The following ASXL1 variants were observed in gnomAD, a reference collection of about 807,000 sequenced individuals.
The protein encoded by ASXL1 is ASXL transcriptional regulator 1, also known as polycomb group protein ASXL1.
ASXL1 carries 65 observed loss-of-function variants against 89.1 expected under a neutral mutation model. The observed-to-expected ratio is 0.73, with a 90% CI of 0.60 to 0.90. The LOEUF (loss-of-function observed/expected upper bound fraction) is 0.90. Ranked by LOEUF, ASXL1 falls within the 40% of genes least tolerant of loss-of-function variation. The probability of loss-of-function intolerance (pLI) is 0.00; values close to 1 mark genes in which losing one functional copy is unlikely to be tolerated. For synonymous variants in ASXL1, 739 were observed against 746.9 expected (o/e 0.99, Z 0.17); for missense variants, 1,786 against 1,942.9 (o/e 0.92, Z 1.52).
intron 4 of ASXL1, among the ~76,000 whole-genome samples, chr20:32,376,860 A>G (rs1232654163): frequency 7.3e-6 from 1 of 136,148 alleles, no homozygotes; most frequent in Non-Finnish European, 1.6e-5. Context: ...TATATAATAT[A>G]TAATTATATG....
intron 4 of ASXL1, among the ~76,000 whole-genome samples, chr20:32,425,711 C>T (rs997966481): frequency 3.3e-5 from 5 of 152,002 alleles, no homozygotes; most frequent in African/African-American, 1.2e-4. Context: ...TGTTCCCCCT[C>T]TCTCCCCGCC....
At chr20:32,387,167 A>G (rs558808526) in intron 4 of ASXL1, among the ~76,000 whole-genome samples, 1 of 152,146 alleles carries the variant, frequency 6.6e-6, no homozygotes, top group Admixed American at 6.5e-5. Context: ...TTAACTGGGC[A>G]TGGTTGTGCA....
rs2048058078 is a variant in ASXL1 at position 32,358,876 on chromosome 20, G to C, written c.57+44G>C. Reference sequence around the variant, plus strand: ...GGGGGCTCCGTGGGGCCCGGGGTGGGGGGGGCTCGCCGCGCACCCCCCCAC... The same window carrying C: ...GGGGGCTCCGTGGGGCCCGGGGTGGCGGGGGCTCGCCGCGCACCCCCCCAC... On this transcript the variant is annotated intron_variant, in intron 1 of 12. Coordinates refer to ENST00000375687, the MANE Select transcript of ASXL1 (RefSeq NM_015338.6). The C allele has an allele frequency of 4.8e-6, 7 of 1,459,858 alleles. No individual in the cohort carries two copies. The African/African-American group carries it at 8.9e-5, about 19-fold the overall frequency. 90.4% of individuals were successfully genotyped at this position (1,459,858 alleles called of 1,614,324 possible).
chr20:32,382,058 T>G (rs529456965), intron 4 of ASXL1, among the ~76,000 whole-genome samples: 1 of 149,708 alleles, frequency 6.7e-6, no homozygotes, highest in South Asian at 2.1e-4. Context: ...CGGGTTCAAG[T>G]GATTCTCCTG....
intron 4 of ASXL1, among the ~76,000 whole-genome samples, chr20:32,416,341 G>A (rs1375667673): frequency 2.0e-5 from 3 of 152,196 alleles, no homozygotes; most frequent in Middle Eastern, 3.4e-3. Context: ...AAGCTCAAGC[G>A]TTTGTACAGA....
intron 4 of ASXL1, among the ~76,000 whole-genome samples, chr20:32,382,156 C>CT (rs1944965291): frequency 6.6e-6 from 1 of 151,392 alleles, no homozygotes; most frequent in South Asian, 2.1e-4. Context: ...TTATTTTTTA[C>CT]TAGAGACAGT....
At chr20:32,411,780 C>T (rs1182946251) in intron 4 of ASXL1, among the ~76,000 whole-genome samples, 1 of 152,098 alleles carries the variant, frequency 6.6e-6, no homozygotes. Flanking sequence ...TCAAGTTATC[C>T]ACCCGCTTTG....
intron 4 of ASXL1, among the ~76,000 whole-genome samples, chr20:32,403,089 A>G (rs1444156387): frequency 1.3e-5 from 2 of 152,224 alleles, no homozygotes; most frequent in East Asian, 3.8e-4. Context: ...ATAAGGTTAC[A>G]TCAATGTTCA....
chr20:32,435,576 G>C lies in ASXL1; in HGVS notation c.2864G>C (p.Ser955Thr), dbSNP rs752548239. The change falls in exon 13 of 13, where the codon AGC becomes ACC. Residue 955 changes from serine (S) to threonine (T), a missense_variant. Physicochemically the swap from Ser to Thr is moderately conservative, Grantham distance 58. Around this residue, in one of 3 missense-constraint regions of ASXL1, gnomAD observed 1,418 missense variants for 1,427.8 expected, o/e 0.99. Coordinates refer to ENST00000375687, the MANE Select transcript of ASXL1 (RefSeq NM_015338.6). ...TAEEGLDPLD[S>T]LTSLWTVPSR... The stretch of plus-strand genomic sequence containing the variant: ...GAGGAGGGTCTAGATCCTCTTGACA[G>C]CCTTACTTCACTCTGGACTGTGCCA... 1 of 1,614,106 alleles carries C rather than the reference G, an allele frequency of 6.2e-7. No homozygotes were observed. The highest frequency in any genetic ancestry group is 1.1e-5 in the South Asian group (1 of 91,078).
At chr20:32,422,142 G>A (rs375454467) in intron 4 of ASXL1, among the ~76,000 whole-genome samples, 1 of 150,720 alleles carries the variant, frequency 6.6e-6, no homozygotes, top group African/African-American at 2.4e-5. Context: ...GCCTTCCAAA[G>A]TGCTGGGATT....
At chr20:32,385,338 CAGTT>C (rs2048561155) in intron 4 of ASXL1, among the ~76,000 whole-genome samples, 1 of 152,186 alleles carries the variant, frequency 6.6e-6, no homozygotes. Flanking sequence ...CTAAATGAGT[CAGTT>C]CTCAAATGTT....
chr20:32,373,130 A>T (rs2122862851), intron 4 of ASXL1, among the ~76,000 whole-genome samples: 1 of 150,038 alleles, frequency 6.7e-6, no homozygotes, highest in African/African-American at 2.4e-5. Flanking sequence ...TAATCCCAGC[A>T]CTTTGGGAGG....
At position 32,439,085 on chromosome 20, in the gene ASXL1, T is replaced by C. The variant is rs2012078366; in HGVS notation, c.*1747T>C. 1 of 233,306 alleles carries C rather than the reference T, an allele frequency of 4.3e-6. No individual in the cohort carries two copies. Among genetic ancestry groups the C allele is most frequent in the Non-Finnish European group, 8.5e-6 (1 of 117,972 alleles). The allele number at this position is 233,306 out of a possible 1,614,324, so 14.5% of individuals were successfully genotyped here. On this transcript the variant is annotated 3_prime_UTR_variant, in exon 13 of 13. Coordinates refer to ENST00000375687, the MANE Select transcript of ASXL1 (RefSeq NM_015338.6). ...CATGAGTGACAAGTTGGGAATGATG[T>C]GGTGATTTAGAATGCAGTATTGGCC...
At chr20:32,408,961 T>C (rs2049001177) in intron 4 of ASXL1, among the ~76,000 whole-genome samples, 1 of 152,110 alleles carries the variant, frequency 6.6e-6, no homozygotes, top group South Asian at 2.1e-4. Flanking sequence ...ATTTTTATTT[T>C]TTTAATTTTT....
intron 4 of ASXL1, among the ~76,000 whole-genome samples, chr20:32,392,199 C>G (rs914808215): frequency 6.6e-6 from 1 of 151,610 alleles, no homozygotes; most frequent in Non-Finnish European, 1.5e-5. Context: ...ACTGAAGCCT[C>G]TAACTTCTGG....
rs1351336989 is a variant in ASXL1 at position 32,433,526 on chromosome 20, C to T, written c.1328C>T (p.Ala443Val). ...AGVAKDAKSVASDVPLYKDGE... is the reference protein window; with the variant it reads ...AGVAKDAKSVVSDVPLYKDGE... ...GTTGCTAAGGATGCAAAATCTGTGGCCTCAGATGTTCCCCTCTACAAGGAT... is the reference window on the plus strand; with the variant it reads ...GTTGCTAAGGATGCAAAATCTGTGGTCTCAGATGTTCCCCTCTACAAGGAT... Residue 443 changes from alanine to valine, a missense_variant, in exon 12 of 13, where the codon GCC becomes GTC. Transcript: ENST00000375687. 1.9e-6 allele frequency: 3 copies of T among 1,614,118 alleles called. No individual in the cohort carries two copies. The highest frequency in any genetic ancestry group is 2.2e-5 in the East Asian group (1 of 44,886).
intron 4 of ASXL1, among the ~76,000 whole-genome samples, chr20:32,417,710 G>A (rs947003043): frequency 9.9e-5 from 15 of 152,024 alleles, no homozygotes; most frequent in African/African-American, 3.6e-4. Flanking sequence ...ACTTTAATAG[G>A]TATGTGTAGG....
In ASXL1 at chr20:32,437,020, C is replaced by G. The variant is rs748596785; in HGVS notation, c.4308C>G (p.Ile1436Met). Residue 1436 changes from isoleucine to methionine, a missense_variant, in exon 13 of 13, where the codon ATC (isoleucine) becomes ATG (methionine). Around this residue, in one of 3 missense-constraint regions of ASXL1, gnomAD observed 1,418 missense variants for 1,427.8 expected, o/e 0.99. Transcript: ENST00000375687. ...EPSSLPSQLS[I>M]KQAFYGKLSK... is the part of the protein sequence containing the mutation. ...CTTCTCTCCCCTCCCAACTCAGCAT[C>G]AAGCAGGCATTTTATGGGAAGCTTT... 10 of 1,614,006 alleles carry G rather than the reference C, an allele frequency of 6.2e-6. No homozygotes were observed. Among genetic ancestry groups the G allele is most frequent in the Non-Finnish European group, 7.6e-6 (9 of 1,180,036 alleles).
At chr20:32,426,541 CTTTTTTTTCTTTCTTTTTTTTTT>C (rs1405325420) in intron 4 of ASXL1, among the ~76,000 whole-genome samples, 2 of 92,564 alleles carry the variant, frequency 2.2e-5, no homozygotes, top group Admixed American at 1.2e-4. Context: ...AAACTGTTTT[CTTTTTTTTCTTTCTTTTTTTTTT>C]TTTTTTTTTT....
Sources: allele counts gnomAD v4.1 joint callset (sites outside exome capture counted in the v4.1 genomes callset), GRCh38; gene constraint gnomAD v4.1.1; regional missense constraint gnomAD v4.1.1; transcripts MANE v1.5; gene names NCBI Gene and HGNC (gene_info 2026-07-23, HGNC 2026-07-21).